The following MACROH2A1 variants were observed in gnomAD, a reference collection of about 807,000 sequenced individuals.
MACROH2A1 encodes macroH2A.1 histone.
A neutral mutation model predicts 31.6 loss-of-function variants in MACROH2A1; 2 were observed. The observed-to-expected ratio is 0.06, with a 90% CI of 0.03 to 0.20. The LOEUF is 0.20. Ranked by LOEUF, MACROH2A1 falls within the 10% of genes least tolerant of loss-of-function variation. The probability of loss-of-function intolerance (pLI) is 1.00; values close to 1 mark genes in which losing one functional copy is unlikely to be tolerated. For synonymous variants in MACROH2A1, 169 were observed against 189.6 expected (o/e 0.89, Z 0.89); for missense variants, 230 against 474.0 (o/e 0.49, Z 4.78).
At chr5:135,375,782 C>T (rs776411603) in intron 2 of MACROH2A1, among the ~76,000 whole-genome samples, 1 of 147,640 alleles carries the variant, frequency 6.8e-6, no homozygotes, top group Non-Finnish European at 1.5e-5. Context: ...ACAAGGCCAA[C>T]AACATGACAA....
At chr5:135,343,101 T>G in intron 8 of MACROH2A1, 159 bp downstream of exon 8, 1 of 1,516,006 alleles carries the variant, frequency 6.6e-7, no homozygotes, top group Non-Finnish European at 8.9e-7. Context: ...TCCCTCACCA[T>G]CATTTAATGT....
intron 4 of MACROH2A1, among the ~76,000 whole-genome samples, chr5:135,367,367 G>T (rs895760696): frequency 2.0e-5 from 3 of 152,172 alleles, no homozygotes; most frequent in Non-Finnish European, 2.9e-5. Context: ...ACCATAACAG[G>T]CTTCCTGCTT....
chr5:135,344,950 G>C (rs1760584295), intron 7 of MACROH2A1: 1 of 152,226 alleles, frequency 6.6e-6, no homozygotes, highest in African/African-American at 2.4e-5. Context: ...GGACCCACAG[G>C]CTGGTCAAAC....
intron 8 of MACROH2A1, among the ~76,000 whole-genome samples, chr5:135,339,293 C>T (rs761662323): frequency 2.0e-5 from 3 of 152,128 alleles, no homozygotes; most frequent in Non-Finnish European, 2.9e-5. Flanking sequence ...GGGGGGTGTA[C>T]GCATTGGATG....
intron 2 of MACROH2A1, among the ~76,000 whole-genome samples, chr5:135,374,114 C>T (rs946388004): frequency 6.6e-6 from 1 of 152,110 alleles, no homozygotes; most frequent in Non-Finnish European, 1.5e-5. Context: ...AAAGCAGTAA[C>T]CCAGAATACA....
Position 135,392,794 on chromosome 5 carries a change from G to A in MACROH2A1, c.-33-3668C>T, listed in dbSNP as rs117487432. Among the ~76,000 whole-genome samples the A allele has an allele frequency of 7.2e-3, 1,094 of 152,216 alleles. 29 individuals carry two copies. The East Asian group carries it at 0.081, about 11-fold the overall frequency. On this transcript the variant is annotated intron_variant, in intron 1 of 8. Transcript: ENST00000511689. ...ACCTGATTATAACCATGGCTCTGCC[G>A]CTTACTGGCTGTGCATTTTTGAGCA...
At chr5:135,377,655 C>T (rs564034898) in intron 2 of MACROH2A1, among the ~76,000 whole-genome samples, 3 of 152,308 alleles carry the variant, frequency 2.0e-5, no homozygotes, top group East Asian at 1.9e-4. Flanking sequence ...CAGAGGGAGA[C>T]GTTTTGCTCT....
At chr5:135,344,051 A>G (rs990383598) in intron 7 of MACROH2A1, 2 of 153,698 alleles carry the variant, frequency 1.3e-5, no homozygotes, top group Non-Finnish European at 2.9e-5. Flanking sequence ...TATTTGTGGC[A>G]GAATTAGATT....
intron 1 of MACROH2A1, among the ~76,000 whole-genome samples, chr5:135,393,150 C>T (rs1460879939): frequency 2.0e-5 from 3 of 152,166 alleles, no homozygotes; most frequent in Non-Finnish European, 4.4e-5. Flanking sequence ...CATAGTGATT[C>T]ATGGATCCAG....
chr5:135,344,285 G>A (rs921413223), intron 7 of MACROH2A1: 3 of 152,140 alleles, frequency 2.0e-5, no homozygotes, highest in Non-Finnish European at 4.4e-5. Flanking sequence ...TGCATGCTAC[G>A]CTTCTATACA....
At chr5:135,388,048 C>CAAAA (rs55971554) in intron 2 of MACROH2A1, among the ~76,000 whole-genome samples, 2 of 80,944 alleles carry the variant, frequency 2.5e-5, no homozygotes, top group Non-Finnish European at 2.8e-5. Flanking sequence ...ATTGATACTT[C>CAAAA]AAAAAAAAAA....
intron 2 of MACROH2A1, among the ~76,000 whole-genome samples, chr5:135,384,218 C>A (rs555364912): frequency 1.0e-3 from 155 of 152,294 alleles, no homozygotes; most frequent in African/African-American, 3.4e-3. Flanking sequence ...CAGGCTCTCT[C>A]TACCCACTTC....
chr5:135,368,877 A>G (rs1763841875), intron 4 of MACROH2A1, among the ~76,000 whole-genome samples: 1 of 152,196 alleles, frequency 6.6e-6, no homozygotes, highest in Non-Finnish European at 1.5e-5. Context: ...CAGCCAATCC[A>G]AGTTAGGCCC....
rs1561686503 is a variant in MACROH2A1, at chr5:135,398,065, C to CA, written c.-34+996dup. 6.6e-6 allele frequency among the ~76,000 whole-genome samples: 1 copy of CA among 152,198 alleles called. No homozygotes were observed. Among genetic ancestry groups the CA allele is most frequent in the Non-Finnish European group, 1.5e-5 (1 of 68,032 alleles). ...TTATAGTCATTGTAATTGTTGAATT[C>CA]AAGGTTTGTCCCAGTTGTTTGTACA... is the stretch of plus-strand genomic sequence containing the variant. On this transcript the variant is annotated intron_variant, in intron 1 of 8. Transcript: ENST00000511689. This position sits in a 1 kb window ranked among gnomAD's most constrained non-coding sequence, Gnocchi z 4.6.
In MACROH2A1 at chr5:135,360,541, C is replaced by T. The variant is rs1404494219; in HGVS notation, c.544G>A (p.Gly182Ser). The change falls in exon 5 of 9, where the codon GGC becomes AGC. Residue 182 changes from glycine to serine, a missense_variant. Physicochemically the swap from Gly to Ser is moderately conservative, Grantham distance 56. Coordinates refer to ENST00000511689, the MANE Select transcript of MACROH2A1 (RefSeq NM_138610.3). ...CTCTTGGTGGAGAGGACTGTGAAGC[C>T]GTCGGCAGGTGTGCCCTCGGTTGTG... ...DSTTEGTPAD[G>S]FTVLSTKSLF... 9 of 1,614,006 alleles carry T rather than the reference C, an allele frequency of 5.6e-6. No individual in the cohort carries two copies. Among genetic ancestry groups the T allele is most frequent in the Admixed American group, 3.3e-5 (2 of 60,024 alleles).
intron 1 of MACROH2A1, among the ~76,000 whole-genome samples, chr5:135,391,733 G>A (rs1464161716): frequency 6.6e-6 from 1 of 152,162 alleles, no homozygotes; most frequent in Non-Finnish European, 1.5e-5. Context: ...CAGTGAACCT[G>A]GCCCAGACTT....
chr5:135,358,677 T>TC, intron 5 of MACROH2A1: 2 of 946,794 alleles, frequency 2.1e-6, no homozygotes, highest in South Asian at 9.8e-5. Flanking sequence ...GCTTTCATTC[T>TC]CCATTTTTAA....
chr5:135,337,233 AG>A (rs1184650299), intron 8 of MACROH2A1, among the ~76,000 whole-genome samples: 4 of 152,236 alleles, frequency 2.6e-5, no homozygotes, highest in African/African-American at 9.6e-5. Context: ...TAGCTGAGCT[AG>A]CCCTGGGGCA....
intron 6 of MACROH2A1, chr5:135,347,026 T>C (rs1760927576): frequency 6.6e-6 from 1 of 152,220 alleles, no homozygotes; most frequent in Non-Finnish European, 1.5e-5. Flanking sequence ...TCCTCAGTTT[T>C]GCACATTTTA....
Sources: gnomAD v4.1 joint callset for allele counts (sites outside exome capture counted in the v4.1 genomes callset) on GRCh38, gnomAD v4.1.1 for gene constraint, Gnocchi (gnomAD v3.1) non-coding constraint, MANE v1.5 for transcripts, NCBI Gene and HGNC (gene_info 2026-07-23, HGNC 2026-07-21) for gene names.